Variants in DNAH11 observed in about 807,000 individuals in gnomAD.
The protein encoded by DNAH11 is axonemal beta dynein heavy chain 11.
DNAH11 carries 442 observed loss-of-function variants against 526.0 expected under a neutral mutation model. The observed-to-expected ratio is 0.84, with a 90% CI of 0.78 to 0.91. The LOEUF is 0.91. Ranked by LOEUF, DNAH11 falls within the 40% of genes least tolerant of loss-of-function variation. DNAH11 has a pLI of 0.00. For synonymous variants in DNAH11, 2,461 were observed against 1,935.9 expected (o/e 1.27, Z -7.12); for missense variants, 6,989 against 5,448.7 (o/e 1.28, Z -8.90).
intron 55 of DNAH11, among the ~76,000 whole-genome samples, chr7:21,765,935 A>C (rs1019511448): frequency 6.6e-6 from 1 of 152,132 alleles, no homozygotes; most frequent in Non-Finnish European, 1.5e-5. Context: ...CTGATTATAA[A>C]TCCTTTAAGT....
chr7:21,764,804 C>G (rs760288800), intron 54 of DNAH11, among the ~76,000 whole-genome samples: 15 of 152,124 alleles, frequency 9.9e-5, no homozygotes, highest in Non-Finnish European at 2.1e-4. Flanking sequence ...CATAGCTACA[C>G]AAAACTTTAG....
rs578249356 is a variant in DNAH11, at chr7:21,873,511, C to T, written c.12195+10C>T. 16 of 1,612,556 alleles carry T rather than the reference C, an allele frequency of 9.9e-6. No homozygotes were observed. Among genetic ancestry groups the T allele is most frequent in the East Asian group, 6.7e-5 (3 of 44,862 alleles). ...GTACAACTTTGATCAGGTAAGAAAG[C>T]GAAGCAGGCTAGGCAGACAATGAAG... On this transcript the variant is annotated intron_variant, in intron 74 of 81. Coordinates refer to ENST00000409508, the MANE Select transcript of DNAH11 (RefSeq NM_001277115.2).
rs535218404 is a variant in DNAH11, at chr7:21,588,501, T to G, written c.1849-11T>G. 1.2e-6 allele frequency: 2 copies of G among 1,612,702 alleles called. No homozygotes were observed. Among genetic ancestry groups the G allele is most frequent in the Admixed American group, 1.7e-5 (1 of 59,952 alleles). On this transcript the variant is annotated splice_polypyrimidine_tract_variant and intron_variant, in intron 10 of 81. Transcript: ENST00000409508. ...CCCTTTCTTCCTCTTCACCAAAATA[T>G]CAACTTGCAGATTGAATGTGGTCAT...
At chr7:21,605,423 G>A (rs1274568453) in intron 18 of DNAH11, among the ~76,000 whole-genome samples, 1 of 152,218 alleles carries the variant, frequency 6.6e-6, no homozygotes, top group Non-Finnish European at 1.5e-5. Context: ...GCTCCTTAAA[G>A]AAAATAACTT....
chr7:21,594,352 C>T (rs1784795754), intron 14 of DNAH11, among the ~76,000 whole-genome samples: 1 of 152,138 alleles, frequency 6.6e-6, no homozygotes, highest in African/African-American at 2.4e-5. Flanking sequence ...TTATTGTGAG[C>T]ATTGTGTGTA....
chr7:21,772,383 G>C (rs996384131), intron 55 of DNAH11, among the ~76,000 whole-genome samples: 14 of 149,386 alleles, frequency 9.4e-5, no homozygotes, highest in African/African-American at 3.5e-4. Context: ...CCTGTAAGGA[G>C]GTTACACTTG....
At chr7:21,577,197 G>A (rs754980791) in intron 8 of DNAH11, among the ~76,000 whole-genome samples, 6 of 152,312 alleles carry the variant, frequency 3.9e-5, no homozygotes, top group African/African-American at 4.8e-5. Flanking sequence ...CCTAGCCAAA[G>A]GCTCAAGAAG....
intron 30 of DNAH11, among the ~76,000 whole-genome samples, chr7:21,668,103 A>G: frequency 6.6e-6 from 1 of 152,152 alleles, no homozygotes; most frequent in East Asian, 1.9e-4. Context: ...TAAAATACAA[A>G]AGAAAATTCT....
intron 6 of DNAH11, among the ~76,000 whole-genome samples, chr7:21,568,207 T>C (rs1330710627): frequency 6.6e-6 from 1 of 152,190 alleles, no homozygotes; most frequent in Non-Finnish European, 1.5e-5. Flanking sequence ...AGCAGTGTTT[T>C]AGTTTATAAG....
rs1236158923 is a variant in DNAH11, at chr7:21,571,921, T to C, written c.1541T>C (p.Leu514Pro). The C allele has an allele frequency of 1.9e-6, 3 of 1,610,754 alleles. No homozygotes were observed. Among genetic ancestry groups the C allele is most frequent in the Non-Finnish European group, 2.5e-6 (3 of 1,178,754 alleles). Reference sequence around the variant, plus strand: ...GAGATGAGTGAAGAACTTATGGAACTCTGTAAACTTTTTAAACAGAGCACT... The same window carrying C: ...GAGATGAGTGAAGAACTTATGGAACCCTGTAAACTTTTTAAACAGAGCACT... ...VHEMSEELME[L>P]CKLFKQSTYD... Residue 514 changes from leucine to proline, a missense_variant, in exon 8 of 82, where the codon CTC becomes CCC. Physicochemically the swap from Leu to Pro is moderately conservative, Grantham distance 98 (BLOSUM62 -3). Transcript: ENST00000409508.
intron 14 of DNAH11, among the ~76,000 whole-genome samples, chr7:21,595,044 C>A (rs1422122561): frequency 6.6e-6 from 1 of 152,122 alleles, no homozygotes; most frequent in Admixed American, 6.5e-5. Flanking sequence ...TCTAGGGGTT[C>A]CGTATGTTCA....
intron 70 of DNAH11, 150 bp from the exon 71 acceptor site, chr7:21,866,320 C>A (rs375657448): frequency 7.8e-4 from 355 of 455,794 alleles, no homozygotes; most frequent in African/African-American, 1.4e-3. Context: ...CTCAGCAGAG[C>A]AAAAAAAAAA....
chr7:21,885,611 TG>T (rs1784098578), intron 76 of DNAH11, among the ~76,000 whole-genome samples: 1 of 152,176 alleles, frequency 6.6e-6, no homozygotes, highest in Admixed American at 6.5e-5. Flanking sequence ...GAGAGGATTT[TG>T]TATGTTCCCA....
rs565735263 is a variant in DNAH11 at position 21,721,289 on chromosome 7, T to G, written c.7266+433T>G. Among the ~76,000 whole-genome samples the G allele has an allele frequency of 3.3e-5, 5 of 152,280 alleles. 1 individual carries two copies. In the South Asian group the frequency reaches 8.3e-4, roughly 25 times the overall value. On this transcript the variant is annotated intron_variant, in intron 44 of 81. Coordinates refer to ENST00000409508, the MANE Select transcript of DNAH11 (RefSeq NM_001277115.2). ...ACGTGGAAGACATCACTCTTCCTGA[T>G]TTCTGTGTCCTGTGATCTCAGACCC...
At chr7:21,656,910 T>C (rs1782037155) in intron 29 of DNAH11, among the ~76,000 whole-genome samples, 1 of 152,164 alleles carries the variant, frequency 6.6e-6, no homozygotes, top group African/African-American at 2.4e-5. Flanking sequence ...ATTATAATGA[T>C]TAGAAAAAGT....
rs567633727 is a variant in DNAH11, at chr7:21,884,660, A to C, written c.12507+250A>C. On this transcript the variant is annotated intron_variant, in intron 76 of 81. Coordinates refer to ENST00000409508, the MANE Select transcript of DNAH11 (RefSeq NM_001277115.2). ...GAGTGCACCAGCGTGAGGCAGCCTCACATGCACTGACTCATCGGCTCTTTA... is the reference window on the plus strand; with the variant it reads ...GAGTGCACCAGCGTGAGGCAGCCTCCCATGCACTGACTCATCGGCTCTTTA... Among the ~76,000 whole-genome samples the C allele has an allele frequency of 2.6e-5, 4 of 152,308 alleles. No homozygotes were observed. In the East Asian group the frequency reaches 7.7e-4, roughly 29 times the overall value.
rs189007437 is a variant in DNAH11, at chr7:21,607,686, A to G, written c.3852+953A>G. 8.0e-3 allele frequency among the ~76,000 whole-genome samples: 1,222 copies of G among 152,126 alleles called. 17 individuals are homozygous for G. The highest frequency in any genetic ancestry group is 0.028 in the African/African-American group (1,166 of 41,496). ...GGTGGCTCACACCTGTAACCCAGGC[A>G]CTTTGGGATTCGAGGTGGGCATATC... On this transcript the variant is annotated intron_variant, in intron 20 of 81. Coordinates refer to ENST00000409508, the MANE Select transcript of DNAH11 (RefSeq NM_001277115.2).
At chr7:21,648,672 G>A (rs1420019699) in intron 28 of DNAH11, among the ~76,000 whole-genome samples, 1 of 152,128 alleles carries the variant, frequency 6.6e-6, no homozygotes, top group Admixed American at 6.5e-5. Flanking sequence ...TTAAATCTTG[G>A]CGTGTTTTGT....
chr7:21,656,421 T>C (rs1306660124), intron 29 of DNAH11, among the ~76,000 whole-genome samples: 1 of 152,206 alleles, frequency 6.6e-6, no homozygotes, highest in Non-Finnish European at 1.5e-5. Context: ...GTGAATGTTA[T>C]AAATGGCTCC....
Sources: allele counts gnomAD v4.1 joint callset (sites outside exome capture counted in the v4.1 genomes callset), GRCh38; gene constraint gnomAD v4.1.1; transcripts MANE v1.5; gene names NCBI Gene and HGNC (gene_info 2026-07-23, HGNC 2026-07-21).